The following RAPGEF6 variants were observed in gnomAD, a reference collection of about 807,000 sequenced individuals.
RAPGEF6 encodes Rap guanine nucleotide exchange factor 6.
Under a neutral mutation model 171.4 loss-of-function variants are expected in RAPGEF6, and 56 were observed. The observed-to-expected ratio is 0.33, with a 90% CI of 0.26 to 0.41. RAPGEF6 has a LOEUF of 0.41. RAPGEF6 is among the 10% of genes least tolerant of loss of function. RAPGEF6 has a pLI of 1.00. For missense variants in RAPGEF6, 1,674 were observed against 1,921.4 expected, an observed-to-expected ratio of 0.87 and a Z score of 2.41; for synonymous variants, 692 against 650.1, an observed-to-expected ratio of 1.06 and a Z score of -0.98.
At chr5:131,460,738 A>T (rs1297573987) in intron 19 of RAPGEF6, among the ~76,000 whole-genome samples, 1 of 152,208 alleles carries the variant, frequency 6.6e-6, no homozygotes, top group Non-Finnish European at 1.5e-5. Flanking sequence ...CAATACTCCT[A>T]GAGTGTTCAG....
In RAPGEF6 at chr5:131,495,332, T is replaced by TAA. The variant is rs1189827595; in HGVS notation, c.1527+220_1527+221insTT. On this transcript the variant is annotated intron_variant, in intron 13 of 27. Coordinates refer to ENST00000509018, the MANE Select transcript of RAPGEF6 (RefSeq NM_016340.6). ...TAAATACAATAAATAAATAAATAAATATAAATAAAAAATAAATGGAAGAGT... is the reference window on the plus strand; with the variant it reads ...TAAATACAATAAATAAATAAATAAATAAATAAATAAAAAATAAATGGAAGAGT... Among the ~76,000 whole-genome samples, 25 of 148,114 alleles carry TAA rather than the reference T, an allele frequency of 1.7e-4. No individual in the cohort carries two copies. In the East Asian group the frequency reaches 3.3e-3, roughly 20 times the overall value.
At chr5:131,534,903 A>G (rs1321715975) in intron 6 of RAPGEF6, among the ~76,000 whole-genome samples, 1 of 152,104 alleles carries the variant, frequency 6.6e-6, no homozygotes, top group Admixed American at 6.6e-5. Flanking sequence ...CCGAATCAAA[A>G]AGCAAAATTT....
intron 4 of RAPGEF6, among the ~76,000 whole-genome samples, chr5:131,564,189 T>C (rs989338495): frequency 3.3e-5 from 5 of 152,124 alleles, no homozygotes; most frequent in Non-Finnish European, 7.3e-5. Context: ...ACTTAGAATT[T>C]GCAAGGCAGT....
intron 15 of RAPGEF6, among the ~76,000 whole-genome samples, chr5:131,487,500 C>G (rs138934058): frequency 0.018 from 2,811 of 152,218 alleles, 86 homozygotes; most frequent in African/African-American, 0.064. Context: ...AATCCTTTAG[C>G]TAGACACAGA....
intron 22 of RAPGEF6, among the ~76,000 whole-genome samples, chr5:131,445,860 C>T (rs1260459933): frequency 1.3e-5 from 2 of 152,054 alleles, no homozygotes; most frequent in Admixed American, 1.3e-4. Flanking sequence ...TTAAGATGTA[C>T]AATTATTTTG....
intron 7 of RAPGEF6, among the ~76,000 whole-genome samples, chr5:131,517,094 A>C (rs1175971488): frequency 1.3e-5 from 2 of 152,176 alleles, no homozygotes; most frequent in Non-Finnish European, 2.9e-5. Flanking sequence ...TAAAGATAGG[A>C]ACACCAGACA....
At chr5:131,497,241 G>A (rs1008537258) in intron 12 of RAPGEF6, among the ~76,000 whole-genome samples, 1 of 152,146 alleles carries the variant, frequency 6.6e-6, no homozygotes. Context: ...TTGTTGAGTT[G>A]TAAAAGTTCT....
rs113777772 is a variant in RAPGEF6, at chr5:131,457,536, T to C, written c.2865-1524A>G. On this transcript the variant is annotated intron_variant, in intron 19 of 27. Coordinates refer to ENST00000509018, the MANE Select transcript of RAPGEF6 (RefSeq NM_016340.6). ...AAAACAATTCACATACAAGGCTAAC[T>C]CCTGCTACCGTGGAATACTGCTGCA... Among the ~76,000 whole-genome samples, 1,471 of 152,338 alleles carry C rather than the reference T, an allele frequency of 9.7e-3. 27 individuals are homozygous for C. The highest frequency in any genetic ancestry group is 0.034 in the African/African-American group (1,401 of 41,570).
intron 6 of RAPGEF6, among the ~76,000 whole-genome samples, chr5:131,523,279 CTTTT>C (rs1171953953): frequency 9.0e-5 from 6 of 66,642 alleles, no homozygotes; most frequent in East Asian, 9.1e-4. Context: ...CTGTTGTATG[CTTTT>C]TTTTTTTTTT....
chr5:131,535,500 A>G (rs988238110), intron 6 of RAPGEF6, among the ~76,000 whole-genome samples: 19 of 152,154 alleles, frequency 1.2e-4, no homozygotes, highest in African/African-American at 4.1e-4. Context: ...GAATGTCCTG[A>G]TCTACCTATT....
chr5:131,446,801 ATGC>A (rs1411733982), intron 21 of RAPGEF6, 98 bp from the exon 22 acceptor site: 2 of 1,091,764 alleles, frequency 1.8e-6, no homozygotes, highest in East Asian at 4.8e-5. Flanking sequence ...ATGCTATTGC[ATGC>A]TGATGTAAAT....
rs911904939 is a variant in RAPGEF6 at position 131,447,574 on chromosome 5, A to C, written c.3201-871T>G. On this transcript the variant is annotated intron_variant, in intron 21 of 27. Transcript: ENST00000509018. ...TTTGTCCTTTCTAACAAGGCTAACAAATACAAAATTCTTATATAATTTTTA... is the reference window on the plus strand; with the variant it reads ...TTTGTCCTTTCTAACAAGGCTAACACATACAAAATTCTTATATAATTTTTA... Among the ~76,000 whole-genome samples, 5 of 152,354 alleles carry C rather than the reference A, an allele frequency of 3.3e-5. No individual in the cohort carries two copies. In the East Asian group the frequency reaches 9.6e-4, roughly 29 times the overall value.
At chr5:131,626,622 T>C (rs1372136904) in intron 1 of RAPGEF6, among the ~76,000 whole-genome samples, 1 of 152,098 alleles carries the variant, frequency 6.6e-6, no homozygotes, top group African/African-American at 2.4e-5. Context: ...CTCATACCTT[T>C]GTCACTAATA....
chr5:131,623,477 C>CATTTTTTTTT lies in RAPGEF6; in HGVS notation c.69+11484_69+11485insAAAAAAAAAT, dbSNP rs1554088737. ...TAAAGGAACAGTATTTTTCACATTG[C>CATTTTTTTTT]TTTTTTTTTTTTTTTTTTTTTGTGA... On this transcript the variant is annotated intron_variant, in intron 1 of 27. Transcript: ENST00000509018. Among the ~76,000 whole-genome samples, 33 of 114,134 alleles carry CATTTTTTTTT rather than the reference C, an allele frequency of 2.9e-4. 2 individuals carry two copies. Among genetic ancestry groups the CATTTTTTTTT allele is most frequent in the African/African-American group, 9.1e-4 (27 of 29,640 alleles). The allele number at this position is 114,134 out of a possible 152,430, so 74.9% of individuals were successfully genotyped here.
intron 1 of RAPGEF6, among the ~76,000 whole-genome samples, chr5:131,611,197 T>C (rs1764913990): frequency 6.6e-6 from 1 of 152,172 alleles, no homozygotes; most frequent in Admixed American, 6.5e-5. Context: ...ACCAACTCTC[T>C]CCATTTTTGC....
At chr5:131,528,317 A>ATT (rs1415394364) in intron 6 of RAPGEF6, among the ~76,000 whole-genome samples, 1 of 44,298 alleles carries the variant, frequency 2.3e-5, no homozygotes, top group Non-Finnish European at 5.2e-5. Flanking sequence ...TTTATATTAT[A>ATT]TATATATATA....
chr5:131,630,184 T>C lies in RAPGEF6; in HGVS notation c.69+4778A>G, dbSNP rs571229696. On this transcript the variant is annotated intron_variant, in intron 1 of 27. Transcript: ENST00000509018. ...CAATCTTCGGCAACTACCACCCTGA[T>C]TGGTCAGCAGCAGCTATCAACACTA... is the stretch of plus-strand genomic sequence containing the variant. Among the ~76,000 whole-genome samples the C allele has an allele frequency of 7.6e-4, 116 of 152,332 alleles. 1 individual carries two copies. Among genetic ancestry groups the C allele is most frequent in the African/African-American group, 2.5e-3 (106 of 41,574 alleles).
At chr5:131,494,794 C>T (rs1561509730) in intron 13 of RAPGEF6, among the ~76,000 whole-genome samples, 1 of 119,260 alleles carries the variant, frequency 8.4e-6, no homozygotes, top group African/African-American at 3.2e-5. Context: ...AAGTCCTAAA[C>T]TAGGGAGTAA....
chr5:131,455,281 CAG>C lies in RAPGEF6; in HGVS notation c.3076+518_3076+519del, dbSNP rs769698321. ...ATGGAATTGTTTTTTATTTTTGAGA[CAG>C]AGTCTCGCTCTGTCGCCCAGGCTGG... On this transcript the variant is annotated intron_variant, in intron 20 of 27. Coordinates refer to ENST00000509018, the MANE Select transcript of RAPGEF6 (RefSeq NM_016340.6). Among the ~76,000 whole-genome samples, 35 of 152,270 alleles carry C rather than the reference CAG, an allele frequency of 2.3e-4. No individual in the cohort carries two copies. The South Asian group carries it at 2.5e-3, about 11-fold the overall frequency.
Sources: allele counts gnomAD v4.1 joint callset (sites outside exome capture counted in the v4.1 genomes callset), GRCh38; gene constraint gnomAD v4.1.1; transcripts MANE v1.5; gene names NCBI Gene and HGNC (gene_info 2026-07-23, HGNC 2026-07-21).